The following KNL1 variants were observed in gnomAD, a reference collection of about 807,000 sequenced individuals.
KNL1 encodes the protein kinetochore scaffold 1, also known as outer kinetochore KNL1 complex subunit KNL1.
Under a neutral mutation model 201.3 loss-of-function variants are expected in KNL1, and 66 were observed. That is an observed-to-expected ratio of 0.33 (90% CI 0.27 to 0.40). The LOEUF (loss-of-function observed/expected upper bound fraction) is 0.40, where lower values mean the gene tolerates loss of function less well. Among genes scored for constraint, KNL1 ranks in the 10% least tolerant of loss-of-function variants. The pLI is 1.00. For synonymous variants in KNL1, 895 were observed against 899.2 expected (o/e 1.00, Z 0.08); for missense variants, 2,815 against 2,690.5 (o/e 1.05, Z -1.02).
At chr15:40,652,238 C>T (rs2141759762) in intron 21 of KNL1, 133 bp downstream of exon 21, 4 of 454,274 alleles carry the variant, frequency 8.8e-6, no homozygotes, top group Non-Finnish European at 1.6e-5. Flanking sequence ...TTAGAACAGT[C>T]ACTTTATTGA....
At chr15:40,651,431 C>A in intron 19 of KNL1, 40 bp from the exon 20 acceptor site, 1 of 1,415,862 alleles carries the variant, frequency 7.1e-7, no homozygotes, top group Non-Finnish European at 9.7e-7. Flanking sequence ...AATTCTCTAA[C>A]AAAAACCTTA....
At chr15:40,635,414 G>A (rs1334578757) in intron 13 of KNL1, among the ~76,000 whole-genome samples, 1 of 151,476 alleles carries the variant, frequency 6.6e-6, no homozygotes, top group African/African-American at 2.4e-5. Context: ...GAGTGCGGTG[G>A]CATGATCTCA....
At chr15:40,650,521 T>G (rs1157614511) in intron 18 of KNL1, 23 bp from the exon 19 acceptor site, 5 of 1,547,486 alleles carry the variant, frequency 3.2e-6, no homozygotes, top group Non-Finnish European at 4.3e-6. Context: ...TGTTCTGTTT[T>G]TTTTTTTTTT....
At chr15:40,645,383 A>G (rs922261865) in intron 15 of KNL1, among the ~76,000 whole-genome samples, 3 of 152,246 alleles carry the variant, frequency 2.0e-5, no homozygotes, top group African/African-American at 7.2e-5. Flanking sequence ...AATTGATTAA[A>G]TAGCAAGCAA....
At chr15:40,628,891 G>A (rs138680249) in intron 12 of KNL1, among the ~76,000 whole-genome samples, 1 of 152,060 alleles carries the variant, frequency 6.6e-6, no homozygotes, top group East Asian at 1.9e-4. Flanking sequence ...TGTTTTGGCC[G>A]GGCATGGTGG....
intron 17 of KNL1, among the ~76,000 whole-genome samples, chr15:40,648,269 CA>C (rs551395377): frequency 1.3e-5 from 2 of 151,910 alleles, no homozygotes; most frequent in Non-Finnish European, 2.9e-5. Flanking sequence ...ACTATCTCTA[CA>C]AAAAACAAGA....
intron 13 of KNL1, among the ~76,000 whole-genome samples, chr15:40,633,951 A>C (rs1309829219): frequency 6.6e-6 from 1 of 152,224 alleles, no homozygotes; most frequent in Non-Finnish European, 1.5e-5. Context: ...TTATCATAGG[A>C]GATGATAGCT....
At chr15:40,633,461 T>C (rs78500178) in intron 13 of KNL1, among the ~76,000 whole-genome samples, 2,140 of 152,276 alleles carry the variant, frequency 0.014, 51 homozygotes, top group African/African-American at 0.048. Flanking sequence ...GTAGTACATA[T>C]AATTATGTAC....
intron 7 of KNL1, among the ~76,000 whole-genome samples, chr15:40,612,396 G>T (rs898313129): frequency 6.6e-6 from 1 of 151,840 alleles, no homozygotes; most frequent in Non-Finnish European, 1.5e-5. Context: ...GGAGGCCAAG[G>T]CACGAGAATC....
Position 40,656,060 on chromosome 15 carries a change from T to C in KNL1, c.6485-982T>C, listed in dbSNP as rs112187795. On this transcript the variant is annotated intron_variant, in intron 22 of 25. Transcript: ENST00000399668. Reference sequence around the variant, plus strand: ...TTAACACTATGAAGTCCATGCGATTTGTTCCCCATTTTACAAATTAGGAAA... The same window carrying C: ...TTAACACTATGAAGTCCATGCGATTCGTTCCCCATTTTACAAATTAGGAAA... 6.6e-3 allele frequency among the ~76,000 whole-genome samples: 1,003 copies of C among 152,334 alleles called. 8 individuals are homozygous for C. The highest frequency in any genetic ancestry group is 0.023 in the African/African-American group (941 of 41,574).
chr15:40,659,894 A>ACG (rs1555423680), intron 25 of KNL1, among the ~76,000 whole-genome samples: 3 of 146,974 alleles, frequency 2.0e-5, no homozygotes, highest in Non-Finnish European at 3.0e-5. Context: ...TGAAGAATTT[A>ACG]TGTGTGTGTG....
chr15:40,621,837 A>G lies in KNL1; in HGVS notation c.1573A>G (p.Thr525Ala). Reference sequence around the variant, plus strand: ...AGAAATGATGCTCCAAAATCTTATGACCACATCAGAAGATGGGAAAATGAA... The same window carrying G: ...AGAAATGATGCTCCAAAATCTTATGGCCACATCAGAAGATGGGAAAATGAA... ...EKEMMLQNLM[T>A]TSEDGKMNVN... Residue 525 changes from threonine to alanine, a missense_variant, in exon 10 of 26, where the codon ACC becomes GCC. Around this residue, in one of 3 missense-constraint regions of KNL1, gnomAD observed 2,464 missense variants for 2,291.7 expected, o/e 1.08. Coordinates refer to ENST00000399668, the MANE Select transcript of KNL1 (RefSeq NM_144508.5). 1 of 1,613,998 alleles carries G rather than the reference A, an allele frequency of 6.2e-7. No individual in the cohort carries two copies. Among genetic ancestry groups the G allele is most frequent in the Non-Finnish European group, 8.5e-7 (1 of 1,179,876 alleles).
intron 1 of KNL1, among the ~76,000 whole-genome samples, chr15:40,594,680 C>T (rs1439578009): frequency 1.3e-5 from 2 of 152,190 alleles, no homozygotes; most frequent in African/African-American, 4.8e-5. Flanking sequence ...CTCTTGGCGT[C>T]CTCTTCCGCC....
chr15:40,633,539 C>T (rs1301298021), intron 13 of KNL1, among the ~76,000 whole-genome samples: 1 of 151,932 alleles, frequency 6.6e-6, no homozygotes, highest in East Asian at 1.9e-4. Flanking sequence ...CTATACTATA[C>T]TCTTTATTGT....
intron 24 of KNL1, among the ~76,000 whole-genome samples, chr15:40,658,819 A>C (rs918493932): frequency 6.7e-6 from 1 of 149,352 alleles, no homozygotes; most frequent in South Asian, 2.2e-4. Context: ...AGTCCCAGCT[A>C]ATCAGGAGGC....
At chr15:40,630,031 T>A (rs993499152) in intron 13 of KNL1, among the ~76,000 whole-genome samples, 1 of 152,086 alleles carries the variant, frequency 6.6e-6, no homozygotes, top group Non-Finnish European at 1.5e-5. Context: ...GTTTTCAAAA[T>A]CAAAAATATG....
chr15:40,610,736 T>G (rs1430780523), intron 6 of KNL1: 2 of 455,190 alleles, frequency 4.4e-6, no homozygotes, highest in Non-Finnish European at 8.8e-6. Flanking sequence ...GAGAGTAGAG[T>G]GGATAGTAAG....
intron 17 of KNL1, among the ~76,000 whole-genome samples, chr15:40,648,049 G>T (rs1893447951): frequency 6.6e-6 from 1 of 152,132 alleles, no homozygotes; most frequent in Non-Finnish European, 1.5e-5. Flanking sequence ...CTGCATGCCA[G>T]ATACTGTGCT....
chr15:40,608,036 G>A (rs117178361), intron 4 of KNL1, among the ~76,000 whole-genome samples: 2,593 of 152,052 alleles, frequency 0.017, 35 homozygotes, highest in Non-Finnish European at 0.024. Flanking sequence ...GCTAGAAGGT[G>A]GAAGCAACTC....
Sources: gnomAD v4.1 joint callset for allele counts (sites outside exome capture counted in the v4.1 genomes callset) on GRCh38, gnomAD v4.1.1 for gene constraint, gnomAD v4.1.1 regional missense constraint, MANE v1.5 for transcripts, NCBI Gene and HGNC (gene_info 2026-07-23, HGNC 2026-07-21) for gene names.